Variants in STOX2 observed in about 807,000 individuals in gnomAD.
STOX2 encodes the protein storkhead box 2, also known as storkhead-box protein 2.
STOX2 carries 28 observed loss-of-function variants against 60.9 expected under a neutral mutation model. The ratio of observed to expected loss-of-function variants is 0.46; its 90% CI spans 0.34 to 0.63. The LOEUF (loss-of-function observed/expected upper bound fraction) is 0.63, where lower values mean the gene tolerates loss of function less well. Ranked by LOEUF, STOX2 falls within the 30% of genes least tolerant of loss-of-function variation. The pLI is 0.01. For missense variants in STOX2, 1,024 were observed against 1,187.7 expected (o/e 0.86, Z 2.03); for synonymous variants, 472 against 463.9 (o/e 1.02, Z -0.22).
intron 1 of STOX2, among the ~76,000 whole-genome samples, chr4:183,969,388 T>C (rs1172888144): frequency 6.6e-6 from 1 of 152,214 alleles, no homozygotes; most frequent in African/African-American, 2.4e-5. Flanking sequence ...AACAGTTTGA[T>C]ATTTGGAAAC....
chr4:183,845,208 A>G lies in STOX2; in HGVS notation c.364+47153A>G, dbSNP rs1739959223. Among the ~76,000 whole-genome samples, 4 of 152,178 alleles carry G rather than the reference A, an allele frequency of 2.6e-5. No individual in the cohort carries two copies. The South Asian group carries it at 8.3e-4, about 31-fold the overall frequency. Reference sequence around the variant, plus strand: ...GTACAGGAGTCCAGAAGACGGAGAGATGGCTTCTGGGTAGGGGATGGATAA... The same window carrying G: ...GTACAGGAGTCCAGAAGACGGAGAGGTGGCTTCTGGGTAGGGGATGGATAA... On this transcript the variant is annotated intron_variant, in intron 1 of 2. Coordinates refer to the STOX2 transcript ENST00000513034.
chr4:183,941,130 C>T (rs1170793197), intron 1 of STOX2, among the ~76,000 whole-genome samples: 1 of 152,154 alleles, frequency 6.6e-6, no homozygotes, highest in East Asian at 1.9e-4. Flanking sequence ...TTTCAAGAAC[C>T]AAATCAGTTA....
intron 1 of STOX2, among the ~76,000 whole-genome samples, chr4:183,815,396 A>C (rs1252236209): frequency 5.9e-5 from 9 of 152,220 alleles, no homozygotes; most frequent in Admixed American, 5.9e-4. Flanking sequence ...CAGTCTAATG[A>C]TGATGACACT....
chr4:183,874,174 GA>G (rs112881819), intron 1 of STOX2, among the ~76,000 whole-genome samples: 3 of 151,390 alleles, frequency 2.0e-5, no homozygotes, highest in South Asian at 2.1e-4. Context: ...GAGACTTGGA[GA>G]AAAAAAAATG....
intron 2 of STOX2, among the ~76,000 whole-genome samples, chr4:184,008,191 T>C (rs373802522): frequency 1.0e-3 from 156 of 152,360 alleles, no homozygotes; most frequent in African/African-American, 3.5e-3. Flanking sequence ...CCACCCTTTA[T>C]GTGCCTGGCA....
intron 1 of STOX2, among the ~76,000 whole-genome samples, chr4:183,989,334 C>A (rs1173058270): frequency 6.6e-6 from 1 of 152,014 alleles, no homozygotes; most frequent in Non-Finnish European, 1.5e-5. Context: ...TCTTGAGTAG[C>A]TGGGATTACA....
intron 1 of STOX2, among the ~76,000 whole-genome samples, chr4:183,943,806 G>A (rs570359303): frequency 1.3e-5 from 2 of 152,224 alleles, no homozygotes; most frequent in Non-Finnish European, 2.9e-5. Flanking sequence ...GAATCCGGGA[G>A]GCGGAGGTTG....
At chr4:183,941,901 T>G (rs1303213296) in intron 1 of STOX2, among the ~76,000 whole-genome samples, 1 of 152,168 alleles carries the variant, frequency 6.6e-6, no homozygotes, top group Admixed American at 6.5e-5. Flanking sequence ...CTTATTGACA[T>G]TTATCACTTC....
intron 2 of STOX2, among the ~76,000 whole-genome samples, chr4:184,008,747 A>G (rs1328116177): frequency 2.0e-5 from 3 of 152,196 alleles, no homozygotes; most frequent in Non-Finnish European, 4.4e-5. Context: ...ATCAAGGTAG[A>G]TATTTTCACT....
chr4:183,857,569 T>C (rs1302516635), intron 1 of STOX2, among the ~76,000 whole-genome samples: 3 of 152,202 alleles, frequency 2.0e-5, no homozygotes, highest in Admixed American at 6.5e-5. Flanking sequence ...TTATTTTTCC[T>C]CTTCTCCACA....
chr4:183,911,637 A>G (rs1383509089), intron 1 of STOX2, among the ~76,000 whole-genome samples: 1 of 152,212 alleles, frequency 6.6e-6, no homozygotes, highest in East Asian at 1.9e-4. Flanking sequence ...ATATGAGTGT[A>G]TTGTATAAAA....
chr4:183,855,298 T>C (rs1319758987), intron 1 of STOX2, among the ~76,000 whole-genome samples: 1 of 152,244 alleles, frequency 6.6e-6, no homozygotes, highest in Non-Finnish European at 1.5e-5. Context: ...GGGCAGCCCA[T>C]GCCGTTTTTT....
At position 183,874,977 on chromosome 4, in the gene STOX2, AT is replaced by A. The variant is rs1205766383; in HGVS notation, c.364+76923del. Among the ~76,000 whole-genome samples the A allele has an allele frequency of 6.6e-3, 750 of 113,042 alleles. 16 individuals carry two copies. Among genetic ancestry groups the A allele is most frequent in the African/African-American group, 9.2e-3 (266 of 28,852 alleles). The allele number at this position is 113,042 out of a possible 152,430, so 74.2% of individuals were successfully genotyped here. ...AATATATATATATATATATATATATATATATATATATATATAAAACTTAGAA... is the reference window on the plus strand; with the variant it reads ...AATATATATATATATATATATATATAATATATATATATATAAAACTTAGAA... On this transcript the variant is annotated intron_variant, in intron 1 of 2. Coordinates refer to the STOX2 transcript ENST00000513034.
At chr4:183,809,186 A>C (rs1217131307) in intron 1 of STOX2, among the ~76,000 whole-genome samples, 9 of 151,912 alleles carry the variant, frequency 5.9e-5, no homozygotes, top group Non-Finnish European at 1.2e-4. Flanking sequence ...GACTCAAGAG[A>C]TCCTTCCGCT....
rs769922054 is a variant in STOX2 at position 184,011,433 on chromosome 4, G to C, written c.2585+10G>C. On this transcript the variant is annotated intron_variant, in intron 3 of 3. Coordinates refer to ENST00000308497, the MANE Select transcript of STOX2 (RefSeq NM_020225.3). The surrounding 1 kb of genome is among the most constrained non-coding windows in gnomAD (Gnocchi z 4.4). Reference sequence around the variant, plus strand: ...GATTCAACTCCCCACGGTAGGGAGAGGTGTCTCTGTGCACACACATGCGCC... The same window carrying C: ...GATTCAACTCCCCACGGTAGGGAGACGTGTCTCTGTGCACACACATGCGCC... 6.2e-7 allele frequency: 1 copy of C among 1,606,164 alleles called. No individual in the cohort carries two copies. The highest frequency in any genetic ancestry group is 1.1e-5 in the South Asian group (1 of 89,780).
chr4:184,015,967 GT>G (rs1560947805), intron 3 of STOX2: 10 of 152,234 alleles, frequency 6.6e-5, no homozygotes, highest in African/African-American at 2.4e-4. Flanking sequence ...AATCTTAAAT[GT>G]TCTAAATATC....
Position 183,866,606 on chromosome 4 carries a change from A to G in STOX2, c.364+68551A>G, listed in dbSNP as rs144671735. ...AGAATTACTGTGCCAGATCCCGGCA[A>G]TGATGTGTTTGCATTATTGAATGTC... On this transcript the variant is annotated intron_variant, in intron 1 of 2. Coordinates refer to the STOX2 transcript ENST00000513034. Among the ~76,000 whole-genome samples, 353 of 152,348 alleles carry G rather than the reference A, an allele frequency of 2.3e-3. 3 individuals are homozygous for G. Among genetic ancestry groups the G allele is most frequent in the African/African-American group, 7.6e-3 (318 of 41,576 alleles).
intron 1 of STOX2, among the ~76,000 whole-genome samples, chr4:183,953,052 G>A (rs1234257743): frequency 6.6e-6 from 1 of 152,172 alleles, no homozygotes; most frequent in African/African-American, 2.4e-5. Context: ...GTGGGAGGCT[G>A]GGGGAGGGAT....
intron 1 of STOX2, among the ~76,000 whole-genome samples, chr4:183,898,253 G>A (rs1560870220): frequency 6.6e-6 from 1 of 152,068 alleles, no homozygotes; most frequent in Non-Finnish European, 1.5e-5. Context: ...TGTGTGTAGC[G>A]ATGTGTGTGT....
Sources: allele counts gnomAD v4.1 joint callset (sites outside exome capture counted in the v4.1 genomes callset), GRCh38; gene constraint gnomAD v4.1.1; non-coding constraint Gnocchi (gnomAD v3.1); transcripts MANE v1.5; gene names NCBI Gene and HGNC (gene_info 2026-07-23, HGNC 2026-07-21).